The following UMODL1 variants were observed in gnomAD, a reference collection of about 807,000 sequenced individuals.
UMODL1 encodes uromodulin like 1, also known as uromodulin-like 1.
In UMODL1, 128 loss-of-function variants were observed where a neutral mutation model predicts 136.3. That is an observed-to-expected ratio of 0.94 (90% CI 0.81 to 1.09). UMODL1 has a LOEUF of 1.09. UMODL1 is among the 50% of genes least tolerant of loss of function. The probability of loss-of-function intolerance (pLI) is 0.00; values close to 1 mark genes in which losing one functional copy is unlikely to be tolerated. For missense variants in UMODL1, 1,766 were observed against 1,725.6 expected, an observed-to-expected ratio of 1.02 and a Z score of -0.41; for synonymous variants, 721 against 720.0, an observed-to-expected ratio of 1.00 and a Z score of -0.02.
At chr21:42,089,447 A>G (rs1807029658) in intron 5 of UMODL1, among the ~76,000 whole-genome samples, 1 of 152,266 alleles carries the variant, frequency 6.6e-6, no homozygotes, top group Non-Finnish European at 1.5e-5. Context: ...ACCTTTGGCC[A>G]GAGGTTGCAG....
At chr21:42,067,704 C>T (rs1401824058), upstream of UMODL1, among the ~76,000 whole-genome samples, 3 of 152,214 alleles carry the variant, frequency 2.0e-5, no homozygotes, top group African/African-American at 7.2e-5. Flanking sequence ...CTGGGCGCCT[C>T]TTCTGGGAGT....
At chr21:42,109,488 T>C (rs2066783928) in intron 9 of UMODL1, 74 bp from the exon 10 acceptor site, 1 of 1,579,474 alleles carries the variant, frequency 6.3e-7, no homozygotes, top group Non-Finnish European at 8.6e-7. Flanking sequence ...AAGGACTCCT[T>C]CCAGCATGGG....
chr21:42,122,679 GT>G lies in UMODL1; in HGVS notation c.2828-151del. 1 of 671,150 alleles carries G rather than the reference GT, an allele frequency of 1.5e-6. No individual in the cohort carries two copies. Among genetic ancestry groups the G allele is most frequent in the Non-Finnish European group, 2.5e-6 (1 of 401,244 alleles). The allele number at this position is 671,150 out of a possible 1,614,324, so 41.6% of individuals were successfully genotyped here. The stretch of plus-strand genomic sequence containing the variant: ...TATGTGTGCGTGTGTGTGTGTGTGT[GT>G]GCACGTGTGTAGTTGTGGCTGGAAC... On this transcript the variant is annotated intron_variant, in intron 16 of 22. Transcript: ENST00000408910. The surrounding 1 kb of genome is among the most constrained non-coding windows in gnomAD (Gnocchi z 4.3).
chr21:42,135,116 C>T (rs1156509795), intron 21 of UMODL1, among the ~76,000 whole-genome samples: 8 of 152,208 alleles, frequency 5.3e-5, no homozygotes, highest in Non-Finnish European at 1.0e-4. Flanking sequence ...GAATTTCAGC[C>T]GTCATTTAAA....
intron 9 of UMODL1, among the ~76,000 whole-genome samples, chr21:42,108,805 C>T (rs2066762382): frequency 1.2e-5 from 1 of 86,300 alleles, no homozygotes; most frequent in African/African-American, 5.3e-5. Flanking sequence ...AGGGACATAC[C>T]TGTGGAGACA....
At chr21:42,093,400 G>A (rs1209751164) in intron 6 of UMODL1, 1 of 152,708 alleles carries the variant, frequency 6.5e-6, no homozygotes, top group African/African-American at 2.4e-5. Flanking sequence ...AAATTTTTTT[G>A]TAGAGACGAG....
At position 42,122,921 on chromosome 21, in the gene UMODL1, GCCCCACC is replaced by G; in HGVS notation, c.2924_2930del (p.Thr975LysfsTer7). ...AAGGCTGCCTTTGTGCAAGGCACCA[GCCCCACC>G]CCCCAAGGCCTGCCCCAGCGGCTGA... On this transcript the variant is annotated frameshift_variant, in exon 17 of 23. Coordinates refer to ENST00000408910, the MANE Select transcript of UMODL1 (RefSeq NM_001004416.3). LOFTEE classifies it high-confidence loss of function. This position sits in a 1 kb window ranked among gnomAD's most constrained non-coding sequence, Gnocchi z 4.3. 1.2e-6 allele frequency: 2 copies of G among 1,613,824 alleles called. No homozygotes were observed. The highest frequency in any genetic ancestry group is 1.7e-6 in the Non-Finnish European group (2 of 1,180,002).
chr21:42,128,136 T>G, intron 20 of UMODL1: 1 of 520,830 alleles, frequency 1.9e-6, no homozygotes, highest in Non-Finnish European at 3.7e-6. Context: ...TGATACCTAG[T>G]GCTTCTAAGG....
At chr21:42,133,654 C>T (rs2067162282) in intron 21 of UMODL1, among the ~76,000 whole-genome samples, 1 of 152,236 alleles carries the variant, frequency 6.6e-6, no homozygotes, top group Non-Finnish European at 1.5e-5. Context: ...CCAAGTCCTC[C>T]CTTGCCGCTT....
intron 22 of UMODL1, among the ~76,000 whole-genome samples, chr21:42,139,901 C>G (rs898112998): frequency 4.6e-5 from 7 of 152,170 alleles, no homozygotes; most frequent in Admixed American, 2.6e-4. Context: ...CAAGCGTCCC[C>G]CTCACATGGG....
chr21:42,101,222 C>T (rs1237507426), intron 7 of UMODL1, among the ~76,000 whole-genome samples: 3 of 151,868 alleles, frequency 2.0e-5, no homozygotes, highest in Admixed American at 6.6e-5. Flanking sequence ...CAGCGGATGC[C>T]CAGAGCCTCC....
intron 5 of UMODL1, 88 bp downstream of exon 5, chr21:42,088,568 A>G: frequency 7.5e-7 from 1 of 1,339,054 alleles, no homozygotes; most frequent in South Asian, 1.5e-5. Flanking sequence ...AAGCCAGACC[A>G]GTCCTTTGTC....
chr21:42,098,901 ATCT>A (rs2066590903), intron 6 of UMODL1, 22 bp from the exon 7 acceptor site: 1 of 1,611,644 alleles, frequency 6.2e-7, no homozygotes, highest in Non-Finnish European at 8.5e-7. Context: ...CCCTTTGCTC[ATCT>A]TCTCTGTCTG....
At chr21:42,106,942 C>T (rs756472458) in intron 9 of UMODL1, among the ~76,000 whole-genome samples, 1 of 152,190 alleles carries the variant, frequency 6.6e-6, no homozygotes, top group Non-Finnish European at 1.5e-5. Flanking sequence ...CTGTGCATGG[C>T]GACAGTGCAT....
In UMODL1 at chr21:42,076,249, T is replaced by C. The variant is rs56704754; in HGVS notation, c.319+2T>C. The C allele has an allele frequency of 1.7e-3, 2,746 of 1,614,042 alleles. 40 individuals carry two copies. In the African/African-American group the frequency reaches 0.032, roughly 19 times the overall value. On this transcript the variant is annotated splice_donor_variant, in intron 2 of 22. Transcript: ENST00000408910. LOFTEE classifies it high-confidence loss of function. ...AGCTCGGCCTCTACTGTGTCTTGCG[T>C]GAGTCCAGGGCTGCTGGGCTGGGGC... is the stretch of plus-strand genomic sequence containing the variant.
At chr21:42,127,999 G>A (rs769160194) in intron 20 of UMODL1, 168 bp downstream of exon 20, 13 of 880,486 alleles carry the variant, frequency 1.5e-5, no homozygotes, top group Admixed American at 1.0e-4. Flanking sequence ...GTATTTCCAC[G>A]GCAGGCAGCC....
intron 21 of UMODL1, among the ~76,000 whole-genome samples, chr21:42,135,865 C>CG (rs2067199020): frequency 6.6e-6 from 1 of 152,154 alleles, no homozygotes; most frequent in African/African-American, 2.4e-5. Flanking sequence ...CTGATGGTGA[C>CG]GCTCCATGCT....
At chr21:42,130,942 T>C (rs930005705) in intron 21 of UMODL1, among the ~76,000 whole-genome samples, 2 of 151,912 alleles carry the variant, frequency 1.3e-5, no homozygotes, top group Admixed American at 6.6e-5. Context: ...CAGTCCCGAG[T>C]AACAGGGACT....
At chr21:42,080,533 G>A (rs1167238173) in intron 2 of UMODL1, among the ~76,000 whole-genome samples, 2 of 152,222 alleles carry the variant, frequency 1.3e-5, no homozygotes, top group East Asian at 3.8e-4. Flanking sequence ...GGACACACAC[G>A]TGATATGACT....
Sources: allele counts gnomAD v4.1 joint callset (sites outside exome capture counted in the v4.1 genomes callset), GRCh38; gene constraint gnomAD v4.1.1; non-coding constraint Gnocchi (gnomAD v3.1); transcripts MANE v1.5; gene names NCBI Gene and HGNC (gene_info 2026-07-23, HGNC 2026-07-21).